Variants in SLC10A7 observed in about 807,000 individuals in gnomAD.
SLC10A7 encodes the protein sodium/bile acid cotransporter 7.
Under a neutral mutation model 43.2 loss-of-function variants are expected in SLC10A7, and 29 were observed. That is an observed-to-expected ratio of 0.67 (90% confidence interval 0.50 to 0.92). The LOEUF (loss-of-function observed/expected upper bound fraction) is 0.92, where lower values mean the gene tolerates loss of function less well. Ranked by LOEUF, SLC10A7 falls within the 40% of genes least tolerant of loss-of-function variation. SLC10A7 has a pLI of 0.00. For synonymous variants in SLC10A7, 152 were observed against 144.8 expected (o/e 1.05, Z -0.35); for missense variants, 295 against 403.2 (o/e 0.73, Z 2.30).
intron 5 of SLC10A7, among the ~76,000 whole-genome samples, chr4:146,413,913 A>C (rs967337205): frequency 3.3e-5 from 5 of 152,340 alleles, no homozygotes; most frequent in Admixed American, 1.3e-4. Context: ...GTAGAGCTGA[A>C]TATCAATCCT....
intron 4 of SLC10A7, among the ~76,000 whole-genome samples, chr4:146,477,477 G>C (rs971413074): frequency 5.3e-5 from 8 of 152,278 alleles, no homozygotes; most frequent in Non-Finnish European, 1.0e-4. Flanking sequence ...CATAAATTCA[G>C]CTGAAAGTTT....
intron 5 of SLC10A7, among the ~76,000 whole-genome samples, chr4:146,344,268 T>C (rs868475573): frequency 2.0e-5 from 3 of 152,058 alleles, no homozygotes; most frequent in East Asian, 3.9e-4. Context: ...TGCAAAAATA[T>C]CACGTTTCAA....
intron 4 of SLC10A7, among the ~76,000 whole-genome samples, chr4:146,471,718 C>A (rs1379170041): frequency 6.6e-6 from 1 of 152,062 alleles, no homozygotes; most frequent in African/African-American, 2.4e-5. Context: ...TTTATCTTTC[C>A]ATTTAAAATT....
chr4:146,261,586 AAC>A (rs1728227616), intron 10 of SLC10A7, among the ~76,000 whole-genome samples: 1 of 152,128 alleles, frequency 6.6e-6, no homozygotes, highest in Admixed American at 6.5e-5. Context: ...TGCCTTGTAT[AAC>A]AGTCATTCCC....
chr4:146,324,879 T>C (rs567754207), intron 6 of SLC10A7, among the ~76,000 whole-genome samples: 2 of 152,338 alleles, frequency 1.3e-5, no homozygotes, highest in African/African-American at 4.8e-5. Context: ...ATTATTTGAC[T>C]CTTCTTACCT....
chr4:146,519,076 TATATATATA>T (rs1738311668), intron 1 of SLC10A7, among the ~76,000 whole-genome samples: 1 of 19,808 alleles, frequency 5.0e-5, no homozygotes, highest in Non-Finnish European at 8.1e-5. Context: ...CATATATATA[TATATATATA>T]TATATATATA....
At chr4:146,261,556 T>C (rs1159819002) in intron 10 of SLC10A7, among the ~76,000 whole-genome samples, 3 of 152,210 alleles carry the variant, frequency 2.0e-5, no homozygotes, top group Non-Finnish European at 4.4e-5. Flanking sequence ...TGACGGACCC[T>C]GGTTGCCCTC....
intron 10 of SLC10A7, among the ~76,000 whole-genome samples, chr4:146,282,107 T>C (rs1247580432): frequency 3.3e-5 from 5 of 152,190 alleles, no homozygotes; most frequent in Non-Finnish European, 7.4e-5. Flanking sequence ...GATTGGAATA[T>C]GGTTTCTAAG....
At chr4:146,394,564 G>A (rs1003929705) in intron 5 of SLC10A7, among the ~76,000 whole-genome samples, 4 of 152,088 alleles carry the variant, frequency 2.6e-5, no homozygotes, top group Admixed American at 2.0e-4. Flanking sequence ...GTTTTGCCAT[G>A]TTGCCCAGGC....
chr4:146,427,633 T>A (rs1729469106), intron 5 of SLC10A7, among the ~76,000 whole-genome samples: 1 of 146,368 alleles, frequency 6.8e-6, no homozygotes, highest in Non-Finnish European at 1.5e-5. Flanking sequence ...TCTCTACTCA[T>A]TGTTTCCTCT....
At chr4:146,494,681 C>A (rs1735736928) in intron 4 of SLC10A7, among the ~76,000 whole-genome samples, 1 of 152,090 alleles carries the variant, frequency 6.6e-6, no homozygotes, top group Non-Finnish European at 1.5e-5. Context: ...TGTCATGAAT[C>A]AGTCATGAAT....
chr4:146,294,152 G>A (rs906013542), intron 7 of SLC10A7, 57 bp from the exon 8 acceptor site: 6 of 1,358,142 alleles, frequency 4.4e-6, no homozygotes, highest in African/African-American at 1.4e-5. Context: ...AGTTGAAATG[G>A]GCATCACAAA....
chr4:146,499,599 A>G (rs1200463420), intron 4 of SLC10A7, among the ~76,000 whole-genome samples: 3 of 152,190 alleles, frequency 2.0e-5, no homozygotes. Flanking sequence ...AAAATATGAA[A>G]TAGTCTACTC....
chr4:146,267,007 T>C (rs575652324), intron 10 of SLC10A7, among the ~76,000 whole-genome samples: 2 of 152,308 alleles, frequency 1.3e-5, no homozygotes, highest in Non-Finnish European at 2.9e-5. Flanking sequence ...CTGGCCCTCA[T>C]GGGAGCTTAC....
chr4:146,400,032 G>A (rs184838450), intron 5 of SLC10A7, among the ~76,000 whole-genome samples: 1 of 152,294 alleles, frequency 6.6e-6, no homozygotes, highest in African/African-American at 2.4e-5. Context: ...CCAGGCCTGA[G>A]ACCCTCTAAC....
At chr4:146,314,250 A>G (rs1732174157) in intron 6 of SLC10A7, among the ~76,000 whole-genome samples, 1 of 152,128 alleles carries the variant, frequency 6.6e-6, no homozygotes, top group Non-Finnish European at 1.5e-5. Flanking sequence ...AAATTATCCT[A>G]CCCCAGAAAA....
At chr4:146,360,020 T>C (rs911858105) in intron 5 of SLC10A7, among the ~76,000 whole-genome samples, 1 of 152,144 alleles carries the variant, frequency 6.6e-6, no homozygotes, top group Non-Finnish European at 1.5e-5. Flanking sequence ...CCAAGTTGGA[T>C]TTGGATTTCT....
intron 10 of SLC10A7, among the ~76,000 whole-genome samples, chr4:146,259,763 C>A (rs1374673956): frequency 6.6e-6 from 1 of 152,238 alleles, no homozygotes; most frequent in African/African-American, 2.4e-5. Context: ...ATAACTAACA[C>A]AATTCAGACA....
chr4:146,498,109 T>C (rs985145384), intron 4 of SLC10A7, among the ~76,000 whole-genome samples: 4 of 150,940 alleles, frequency 2.7e-5, no homozygotes, highest in Non-Finnish European at 4.4e-5. Context: ...CACCAACTCT[T>C]ATTACTTTTT....
Sources: gnomAD v4.1 joint callset for allele counts (sites outside exome capture counted in the v4.1 genomes callset) on GRCh38, gnomAD v4.1.1 for gene constraint, MANE v1.5 for transcripts, NCBI Gene and HGNC (gene_info 2026-07-23, HGNC 2026-07-21) for gene names.